Variants in ADGRL3 observed in about 807,000 individuals in gnomAD.
ADGRL3 encodes adhesion G protein-coupled receptor L3.
ADGRL3 carries 62 observed loss-of-function variants against 153.5 expected under a neutral mutation model. The ratio of observed to expected loss-of-function variants is 0.40; its 90% CI spans 0.33 to 0.50. The LOEUF (loss-of-function observed/expected upper bound fraction) is 0.50. ADGRL3 is among the 20% of genes least tolerant of loss of function. ADGRL3 has a pLI of 0.47. For synonymous variants in ADGRL3, 710 were observed against 672.5 expected, an observed-to-expected ratio of 1.06 and a Z score of -0.86; for missense variants, 1,641 against 1,859.4, an observed-to-expected ratio of 0.88 and a Z score of 2.16.
chr4:61,857,084 T>C (rs568412310), intron 9 of ADGRL3, among the ~76,000 whole-genome samples: 209 of 150,772 alleles, frequency 1.4e-3, no homozygotes, highest in South Asian at 1.3e-3. Context: ...TTCTTTCTTT[T>C]TTTCTTTCTT....
chr4:61,475,177 G>A (rs1042780513), intron 2 of ADGRL3, among the ~76,000 whole-genome samples: 2 of 152,120 alleles, frequency 1.3e-5, no homozygotes, highest in Non-Finnish European at 2.9e-5. Context: ...GACTTGCTCT[G>A]TAGTAGCCTT....
intron 1 of ADGRL3, among the ~76,000 whole-genome samples, chr4:61,258,052 G>A (rs2092158907): frequency 6.6e-6 from 1 of 152,066 alleles, no homozygotes; most frequent in Non-Finnish European, 1.5e-5. Flanking sequence ...CTTCCTCCAG[G>A]ACTAATATTT....
At chr4:62,060,615 A>G (rs190640059) in intron 25 of ADGRL3, among the ~76,000 whole-genome samples, 1 of 152,072 alleles carries the variant, frequency 6.6e-6, no homozygotes, top group Admixed American at 6.6e-5. Flanking sequence ...TGGGAAGTAC[A>G]ATTTACAGAT....
intron 5 of ADGRL3, among the ~76,000 whole-genome samples, chr4:61,619,334 C>CT (rs1194886988): frequency 1.3e-5 from 2 of 151,824 alleles, no homozygotes; most frequent in East Asian, 1.9e-4. Flanking sequence ...CCTCCAATAC[C>CT]TTTTTTTTCT....
At chr4:61,697,527 C>A (rs919855288) in intron 6 of ADGRL3, among the ~76,000 whole-genome samples, 1 of 148,870 alleles carries the variant, frequency 6.7e-6, no homozygotes, top group Non-Finnish European at 1.5e-5. Context: ...CCATTACACT[C>A]CAGCCGGGAT....
intron 1 of ADGRL3, among the ~76,000 whole-genome samples, chr4:61,338,405 G>A (rs1322316070): frequency 6.6e-6 from 1 of 151,992 alleles, no homozygotes; most frequent in Admixed American, 6.6e-5. Context: ...GTGTGTGTGT[G>A]TGTGTGTGTG....
intron 1 of ADGRL3, among the ~76,000 whole-genome samples, chr4:61,325,563 A>C (rs1208066788): frequency 6.6e-6 from 1 of 152,118 alleles, no homozygotes; most frequent in Admixed American, 6.6e-5. Context: ...CATTTAGCAA[A>C]TACTTACTGA....
chr4:62,040,381 CT>C (rs1727567483), intron 24 of ADGRL3, among the ~76,000 whole-genome samples: 1 of 151,830 alleles, frequency 6.6e-6, no homozygotes, highest in Non-Finnish European at 1.5e-5. Flanking sequence ...AATACTAATT[CT>C]GATTAACTAT....
rs187796315 is a variant in ADGRL3 at position 61,523,827 on chromosome 4, C to A, written c.259+6309C>A. ...ATTGGTGTAAATTACAATTTATATT[C>A]CCTCTTTAAAAAGCATGTGAGTAGC... On this transcript the variant is annotated intron_variant, in intron 4 of 26. Coordinates refer to ENST00000683033, the MANE Select transcript of ADGRL3 (RefSeq NM_001387552.1). Among the ~76,000 whole-genome samples the A allele has an allele frequency of 2.6e-5, 4 of 152,036 alleles. No homozygotes were observed. In the East Asian group the frequency reaches 7.8e-4, roughly 29 times the overall value.
chr4:61,597,329 T>G (rs2098993202), intron 5 of ADGRL3, among the ~76,000 whole-genome samples: 1 of 152,160 alleles, frequency 6.6e-6, no homozygotes. Flanking sequence ...GGAGACTAGC[T>G]GTCTATGGGT....
At chr4:61,908,165 T>G (rs1398747594) in intron 11 of ADGRL3, among the ~76,000 whole-genome samples, 1 of 151,994 alleles carries the variant, frequency 6.6e-6, no homozygotes, top group Non-Finnish European at 1.5e-5. Flanking sequence ...TAGTCCCAGC[T>G]ACATTGGAGG....
chr4:61,764,477 T>G (rs1156386137), intron 8 of ADGRL3, among the ~76,000 whole-genome samples: 2 of 149,934 alleles, frequency 1.3e-5, no homozygotes, highest in Non-Finnish European at 2.9e-5. Flanking sequence ...GGGGATGCTT[T>G]TGGAGCCAGG....
At chr4:61,768,214 G>A (rs1461036503) in intron 8 of ADGRL3, among the ~76,000 whole-genome samples, 4 of 152,080 alleles carry the variant, frequency 2.6e-5, no homozygotes, top group East Asian at 1.9e-4. Context: ...TGGGCAGGTC[G>A]GGGAGGGCTA....
At chr4:61,884,669 G>T (rs1010668340) in intron 9 of ADGRL3, among the ~76,000 whole-genome samples, 9 of 151,942 alleles carry the variant, frequency 5.9e-5, no homozygotes, top group Non-Finnish European at 1.0e-4. Context: ...CTGTCACCCG[G>T]GCTGGAGTGC....
rs553065769 is a variant in ADGRL3, at chr4:61,386,435, G to A, written c.-174+3246G>A. On this transcript the variant is annotated intron_variant, in intron 2 of 26. Transcript: ENST00000683033. ...TGTTTTGAGGTATAAGTTAATGATA[G>A]TACACAGCAAAATAAATAGTAAGAT... Among the ~76,000 whole-genome samples, 25 of 152,198 alleles carry A rather than the reference G, an allele frequency of 1.6e-4. 1 individual carries two copies. The highest frequency in any genetic ancestry group is 5.8e-4 in the African/African-American group (24 of 41,548).
intron 25 of ADGRL3, among the ~76,000 whole-genome samples, chr4:62,067,540 A>G (rs1245416471): frequency 2.0e-5 from 3 of 152,036 alleles, no homozygotes; most frequent in African/African-American, 7.2e-5. Context: ...CAACCTTTGA[A>G]TATGAGCTCC....
chr4:61,428,107 A>G (rs2097305081), intron 2 of ADGRL3: 1 of 152,658 alleles, frequency 6.6e-6, no homozygotes, highest in South Asian at 2.1e-4. Context: ...GACTACGCCA[A>G]TTATCAGGTT....
At chr4:61,670,624 T>C (rs1471219567) in intron 5 of ADGRL3, among the ~76,000 whole-genome samples, 2 of 152,138 alleles carry the variant, frequency 1.3e-5, no homozygotes, top group African/African-American at 4.8e-5. Context: ...GAGTGGGATT[T>C]ATTAAGTGAC....
intron 13 of ADGRL3, among the ~76,000 whole-genome samples, chr4:61,926,550 T>C (rs1052516739): frequency 6.6e-6 from 1 of 152,210 alleles, no homozygotes; most frequent in African/African-American, 2.4e-5. Context: ...TTCTACTCTA[T>C]GTTAGCTAAT....
Sources: gnomAD v4.1 joint callset for allele counts (sites outside exome capture counted in the v4.1 genomes callset) on GRCh38, gnomAD v4.1.1 for gene constraint, MANE v1.5 for transcripts, NCBI Gene and HGNC (gene_info 2026-07-23, HGNC 2026-07-21) for gene names.